NAA40: variants seen among roughly 807,000 people sequenced by gnomAD.
The protein encoded by NAA40 is N-alpha-acetyltransferase 40.
NAA40 carries 26 observed loss-of-function variants against 36.6 expected under a neutral mutation model. The ratio of observed to expected loss-of-function variants is 0.71; its 90% CI spans 0.52 to 0.98. The LOEUF (loss-of-function observed/expected upper bound fraction) is 0.98, where lower values mean the gene tolerates loss of function less well. NAA40 is among the 50% of genes least tolerant of loss of function. NAA40 has a pLI of 0.00. For missense variants in NAA40, 237 were observed against 306.5 expected, an observed-to-expected ratio of 0.77 and a Z score of 1.69; for synonymous variants, 129 against 108.4, an observed-to-expected ratio of 1.19 and a Z score of -1.18.
Position 63,949,852 on chromosome 11 carries a change from A to C in NAA40, c.156-2386A>C, listed in dbSNP as rs530749351. Among the ~76,000 whole-genome samples the C allele has an allele frequency of 5.5e-4, 77 of 140,160 alleles. 1 individual carries two copies. The South Asian group carries it at 8.8e-3, about 16-fold the overall frequency. The allele number at this position is 140,160 out of a possible 152,430, so 92.0% of individuals were successfully genotyped here. A position where few individuals can be genotyped will look rare whatever the true frequency, so the allele number is the denominator to read the frequency against. ...CTCAGCCTCCCGGATTCACGCCATTATCCTGCCTCAGCCTCCCGAGTAGCT... is the reference window on the plus strand; with the variant it reads ...CTCAGCCTCCCGGATTCACGCCATTCTCCTGCCTCAGCCTCCCGAGTAGCT... On this transcript the variant is annotated intron_variant, in intron 3 of 7. Transcript: ENST00000377793.
At chr11:63,946,769 C>T (rs758528468) in intron 2 of NAA40, 182 bp from the exon 3 acceptor site, 9 of 1,536,488 alleles carry the variant, frequency 5.9e-6, no homozygotes, top group South Asian at 2.4e-5. Context: ...CCAAAGCCTT[C>T]CTCGCACATG....
At position 63,945,838 on chromosome 11, in the gene NAA40, A is replaced by T; in HGVS notation, c.7-2A>T. ...AGCTAACGTTGCTTTTCCCTGTTGC[A>T]GAGAAAGTCAAGCAAAGCCAAGGAG... On this transcript the variant is annotated splice_acceptor_variant, in intron 1 of 7. Coordinates refer to ENST00000377793, the MANE Select transcript of NAA40 (RefSeq NM_024771.4). LOFTEE classifies it high-confidence loss of function. 6.2e-7 allele frequency: 1 copy of T among 1,613,938 alleles called. No homozygotes were observed. Among genetic ancestry groups the T allele is most frequent in the Non-Finnish European group, 8.5e-7 (1 of 1,179,894 alleles).
At chr11:63,949,714 A>G (rs980316313) in intron 3 of NAA40, among the ~76,000 whole-genome samples, 2 of 150,834 alleles carry the variant, frequency 1.3e-5, no homozygotes. Flanking sequence ...TACCTGTCAA[A>G]TAGGATGATG....
In NAA40 at chr11:63,946,982, T is replaced by C. The variant is rs1942198145; in HGVS notation, c.134T>C (p.Phe45Ser). The C allele has an allele frequency of 1.2e-6, 2 of 1,614,040 alleles. No homozygotes were observed. The highest frequency in any genetic ancestry group is 1.7e-5 in the Admixed American group (1 of 59,978). The stretch of plus-strand genomic sequence containing the variant: ...GACCCTCTGGAGGCTTTCCCAGTGT[T>C]CAAGAAATATGATAGAAACGGGTGA... ...LGDPLEAFPV[F>S]KKYDRNGLNV... The change falls in exon 3 of 8, where the codon TTC (phenylalanine) becomes TCC (serine). Residue 45 changes from phenylalanine (F) to serine (S), a missense_variant. Physicochemically the swap from Phe to Ser is radical, Grantham distance 155. Coordinates refer to ENST00000377793, the MANE Select transcript of NAA40 (RefSeq NM_024771.4).
At chr11:63,939,540 A>C in intron 1 of NAA40, 3 of 977,280 alleles carry the variant, frequency 3.1e-6, no homozygotes, top group Non-Finnish European at 2.4e-6. Flanking sequence ...CCAAGGTCAT[A>C]TTGTCGGGGG....
At chr11:63,948,147 G>T (rs74235256) in intron 3 of NAA40, among the ~76,000 whole-genome samples, 1 of 152,168 alleles carries the variant, frequency 6.6e-6, no homozygotes, top group African/African-American at 2.4e-5. Flanking sequence ...GAGCCACCGC[G>T]CCTGGCCTGA....
At chr11:63,939,196 G>A in intron 1 of NAA40, 94 bp downstream of exon 1, 3 of 1,320,602 alleles carry the variant, frequency 2.3e-6, no homozygotes, top group Non-Finnish European at 3.0e-6. Context: ...ACGTGACCCC[G>A]ACCCCCTCCA....
rs1278673521 is a variant in NAA40, at chr11:63,957,212, A to ATATATATATATATATTT, written c.*2734_*2735insATATATATATATATTTT. On this transcript the variant is annotated 3_prime_UTR_variant, in exon 8 of 8. Coordinates refer to ENST00000377793, the MANE Select transcript of NAA40 (RefSeq NM_024771.4). ...CCTTGATATATATATATATATATAT[A>ATATATATATATATATTT]TTTTTTTTTTTCTTTAGCAGCTTGT... 1.6e-5 allele frequency: 1 copy of ATATATATATATATATTT among 64,300 alleles called. No homozygotes were observed. The highest frequency in any genetic ancestry group is 4.2e-5 in the African/African-American group (1 of 23,942). 4.0% of individuals were successfully genotyped at this position (64,300 alleles called of 1,614,324 possible). A position where few individuals can be genotyped will look rare whatever the true frequency, so the allele number is the denominator to read the frequency against.
At chr11:63,940,811 T>C (rs1191007113) in intron 1 of NAA40, among the ~76,000 whole-genome samples, 3 of 152,314 alleles carry the variant, frequency 2.0e-5, no homozygotes, top group African/African-American at 7.2e-5. Flanking sequence ...TAGTTTTGGG[T>C]ATTACGTACT....
Position 63,956,575 on chromosome 11 carries a change from T to G in NAA40, c.*2096T>G, listed in dbSNP as rs912938199. Reference sequence around the variant, plus strand: ...GTTCCTCAGGAGGTCGGGACTAGGGTGGGAGAGGCACTATCTGAGACCTGC... The same window carrying G: ...GTTCCTCAGGAGGTCGGGACTAGGGGGGGAGAGGCACTATCTGAGACCTGC... On this transcript the variant is annotated 3_prime_UTR_variant, in exon 8 of 8. Transcript: ENST00000377793. 1 of 152,500 alleles carries G rather than the reference T, an allele frequency of 6.6e-6. No individual in the cohort carries two copies. The highest frequency in any genetic ancestry group is 1.5e-5 in the Non-Finnish European group (1 of 68,018). The allele number at this position is 152,500 out of a possible 1,614,324, so 9.4% of individuals were successfully genotyped here. A position where few individuals can be genotyped will look rare whatever the true frequency, so the allele number is the denominator to read the frequency against.
intron 3 of NAA40, among the ~76,000 whole-genome samples, chr11:63,947,355 C>T (rs1196088918): frequency 1.3e-5 from 2 of 151,552 alleles, no homozygotes; most frequent in African/African-American, 4.8e-5. Context: ...TGCAGTGAGC[C>T]GAGATAGCAC....
At chr11:63,949,968 TCTC>T (rs1317083758) in intron 3 of NAA40, among the ~76,000 whole-genome samples, 1 of 151,734 alleles carries the variant, frequency 6.6e-6, no homozygotes, top group African/African-American at 2.4e-5. Context: ...ATGGTCTCGA[TCTC>T]CTGACCTTGT....
At chr11:63,954,137 C>T in intron 7 of NAA40, 88 bp downstream of exon 7, 2 of 1,449,848 alleles carry the variant, frequency 1.4e-6, no homozygotes, top group Admixed American at 1.8e-5. Context: ...CATTCTGATG[C>T]CTGAGCTCAT....
At chr11:63,946,082 C>T (rs1942181694) in intron 2 of NAA40, 147 bp downstream of exon 2, 1 of 694,696 alleles carries the variant, frequency 1.4e-6, no homozygotes, top group Admixed American at 2.6e-5. Context: ...GAACTGAGCT[C>T]ATACCTGTGT....
chr11:63,940,812 A>G (rs2134264648), intron 1 of NAA40, among the ~76,000 whole-genome samples: 1 of 152,284 alleles, frequency 6.6e-6, no homozygotes, highest in East Asian at 1.9e-4. Flanking sequence ...AGTTTTGGGT[A>G]TTACGTACTT....
intron 3 of NAA40, among the ~76,000 whole-genome samples, chr11:63,948,545 C>T (rs1475382407): frequency 1.3e-5 from 2 of 151,774 alleles, no homozygotes; most frequent in African/African-American, 2.4e-5. Context: ...GGTAAAACCC[C>T]GTCTCTACTA....
intron 7 of NAA40, 45 bp downstream of exon 7, chr11:63,954,094 C>A (rs2134281779): frequency 1.3e-6 from 2 of 1,588,674 alleles, no homozygotes; most frequent in East Asian, 4.5e-5. Context: ...GGTGGGCCTG[C>A]CCAGGGCCAT....
At position 63,954,714 on chromosome 11, in the gene NAA40, G is replaced by A. The variant is rs1942336721; in HGVS notation, c.*235G>A. ...GAGAGGGAAGAGTAGGTGGGGCCGG[G>A]CAGTGAAGCTCATCCTCCACAGTGG... On this transcript the variant is annotated 3_prime_UTR_variant, in exon 8 of 8. Transcript: ENST00000377793. 5.1e-6 allele frequency: 2 copies of A among 389,120 alleles called. No homozygotes were observed. Among genetic ancestry groups the A allele is most frequent in the Non-Finnish European group, 4.5e-6 (1 of 223,920 alleles). The allele number at this position is 389,120 out of a possible 1,614,324, so 24.1% of individuals were successfully genotyped here.
At position 63,952,297 on chromosome 11, in the gene NAA40, G is replaced by A. The variant is rs139995667; in HGVS notation, c.215G>A (p.Trp72Ter). The A allele has an allele frequency of 1.1e-5, 18 of 1,613,882 alleles. No individual in the cohort carries two copies. Among genetic ancestry groups the A allele is most frequent in the Non-Finnish European group, 1.5e-5 (18 of 1,179,890 alleles). The change falls in exon 4 of 8, where the codon TGG becomes TAG. Residue 72 changes from tryptophan to a stop codon, truncating the protein, a stop_gained. Coordinates refer to ENST00000377793, the MANE Select transcript of NAA40 (RefSeq NM_024771.4). LOFTEE classifies it high-confidence loss of function. ...VSGLEPATVD[W>*]AFDLTKTNMQ... ...GGACTGGAGCCAGCCACCGTGGATT[G>A]GGCCTTCGACCTGACCAAAACGAAT...
Sources: allele counts gnomAD v4.1 joint callset (sites outside exome capture counted in the v4.1 genomes callset), GRCh38; gene constraint gnomAD v4.1.1; transcripts MANE v1.5; gene names NCBI Gene and HGNC (gene_info 2026-07-23, HGNC 2026-07-21).